The following EYS variants were observed in gnomAD, a reference collection of about 807,000 sequenced individuals.
EYS encodes the protein protein eyes shut homolog.
A neutral mutation model predicts 282.1 loss-of-function variants in EYS; 250 were observed. The ratio of observed to expected loss-of-function variants is 0.89; its 90% CI spans 0.80 to 0.98. The LOEUF is 0.98. Ranked by LOEUF, EYS falls within the 50% of genes least tolerant of loss-of-function variation. EYS has a pLI of 0.00. For missense variants in EYS, 4,016 were observed against 3,709.0 expected (o/e 1.08, Z -2.15); for synonymous variants, 1,355 against 1,282.9 (o/e 1.06, Z -1.20).
intron 30 of EYS, among the ~76,000 whole-genome samples, chr6:64,263,827 T>C (rs1767666608): frequency 6.6e-6 from 1 of 152,112 alleles, no homozygotes; most frequent in East Asian, 1.9e-4. Context: ...TAAAAACTGT[T>C]CTGTTTTTGT....
At chr6:64,241,675 G>T (rs1395395772) in intron 30 of EYS, among the ~76,000 whole-genome samples, 1 of 151,720 alleles carries the variant, frequency 6.6e-6, no homozygotes, top group Non-Finnish European at 1.5e-5. Flanking sequence ...GTGTGTGTGT[G>T]TGTGTGTCTC....
chr6:65,465,925 T>C (rs1764981861), intron 5 of EYS, among the ~76,000 whole-genome samples: 1 of 152,054 alleles, frequency 6.6e-6, no homozygotes, highest in Non-Finnish European at 1.5e-5. Flanking sequence ...TGAGCTGTGA[T>C]TGTGCCACTG....
At chr6:64,934,072 A>G (rs1768821622) in intron 15 of EYS, among the ~76,000 whole-genome samples, 1 of 151,910 alleles carries the variant, frequency 6.6e-6, no homozygotes, top group South Asian at 2.1e-4. Context: ...TGTGTATGGC[A>G]CATGTAGACC....
chr6:64,235,122 G>A (rs1433334153), intron 30 of EYS, among the ~76,000 whole-genome samples: 1 of 149,736 alleles, frequency 6.7e-6, no homozygotes, highest in Non-Finnish European at 1.5e-5. Context: ...AAGTTTTAGG[G>A]TACATGTGCA....
chr6:65,611,178 G>GA (rs200048825), intron 2 of EYS, among the ~76,000 whole-genome samples: 52,564 of 144,252 alleles, frequency 0.36, 11,527 homozygotes, highest in Non-Finnish European at 0.5. Flanking sequence ...TTAGAATATT[G>GA]AAAAAAAAAA....
In EYS at chr6:65,294,440, A is replaced by G. The variant is rs116505072; in HGVS notation, c.2023+1423T>C. Among the ~76,000 whole-genome samples, 1,328 of 152,016 alleles carry G rather than the reference A, an allele frequency of 8.7e-3. 23 individuals carry two copies. The highest frequency in any genetic ancestry group is 0.03 in the African/African-American group (1,248 of 41,510). On this transcript the variant is annotated intron_variant, in intron 12 of 42. Transcript: ENST00000503581. ...TAATTTGAAAAGTGAAAGAAACATAATAGTGTTTAACCCCACCTGGAGAAG... is the reference window on the plus strand; with the variant it reads ...TAATTTGAAAAGTGAAAGAAACATAGTAGTGTTTAACCCCACCTGGAGAAG...
At chr6:65,229,027 C>T (rs1440621167) in intron 12 of EYS, among the ~76,000 whole-genome samples, 1 of 151,716 alleles carries the variant, frequency 6.6e-6, no homozygotes, top group Non-Finnish European at 1.5e-5. Flanking sequence ...GGATTATAGA[C>T]CTAAAAGTAA....
At chr6:65,071,341 T>G (rs1341057012) in intron 12 of EYS, among the ~76,000 whole-genome samples, 2 of 151,900 alleles carry the variant, frequency 1.3e-5, no homozygotes, top group Non-Finnish European at 2.9e-5. Flanking sequence ...ATCAGAAAAT[T>G]TGTTTGGAAT....
intron 13 of EYS, among the ~76,000 whole-genome samples, chr6:65,022,144 T>C (rs1277596270): frequency 1.3e-5 from 2 of 152,226 alleles, no homozygotes; most frequent in Non-Finnish European, 2.9e-5. Context: ...GTCTATCCAT[T>C]AGCATCCAGA....
chr6:64,266,335 A>G (rs1034684677), intron 30 of EYS, among the ~76,000 whole-genome samples: 2 of 152,102 alleles, frequency 1.3e-5, no homozygotes, highest in Admixed American at 6.6e-5. Context: ...GTGAGAGGTT[A>G]GTGAAATTCC....
At chr6:65,275,665 A>G (rs1001755085) in intron 12 of EYS, among the ~76,000 whole-genome samples, 1 of 152,154 alleles carries the variant, frequency 6.6e-6, no homozygotes, top group Middle Eastern at 3.2e-3. Context: ...TTCTGTAGCC[A>G]ATGGTTTGAC....
At chr6:65,673,283 C>T (rs1768462798) in intron 1 of EYS, among the ~76,000 whole-genome samples, 1 of 151,858 alleles carries the variant, frequency 6.6e-6, no homozygotes, top group Admixed American at 6.6e-5. Flanking sequence ...GGGATTGGGG[C>T]AGCGTGGGAA....
intron 22 of EYS, among the ~76,000 whole-genome samples, chr6:64,685,111 G>A (rs1770042205): frequency 6.6e-6 from 1 of 151,956 alleles, no homozygotes; most frequent in South Asian, 2.1e-4. Flanking sequence ...AAAAGTATAA[G>A]AAATTTGGCC....
chr6:65,633,074 A>T (rs1030039486), intron 2 of EYS, among the ~76,000 whole-genome samples: 1 of 152,200 alleles, frequency 6.6e-6, no homozygotes, highest in Non-Finnish European at 1.5e-5. Context: ...TCATATAAAG[A>T]TACTATATAA....
rs139329292 is a variant in EYS at position 65,091,760 on chromosome 6, C to T, written c.2024-34033G>A. The stretch of plus-strand genomic sequence containing the variant: ...CGACACAGCGGGTTTGGAGCAGAGG[C>T]GCACAACCCCATGCACTACATAATT... On this transcript the variant is annotated intron_variant, in intron 12 of 42. Transcript: ENST00000503581. 7.5e-3 allele frequency among the ~76,000 whole-genome samples: 1,134 copies of T among 152,122 alleles called. 23 individuals carry two copies. The highest frequency in any genetic ancestry group is 0.024 in the African/African-American group (1,013 of 41,534).
chr6:64,555,741 G>A (rs1243251571), intron 26 of EYS, among the ~76,000 whole-genome samples: 1 of 151,876 alleles, frequency 6.6e-6, no homozygotes, highest in Non-Finnish European at 1.5e-5. Context: ...ATTGGGATAT[G>A]CTAGGAACAT....
At chr6:64,329,997 G>A (rs979007133) in intron 29 of EYS, among the ~76,000 whole-genome samples, 4 of 152,134 alleles carry the variant, frequency 2.6e-5, no homozygotes, top group African/African-American at 7.2e-5. Context: ...ACTCCACCAA[G>A]GATTGAAAAA....
intron 1 of EYS, among the ~76,000 whole-genome samples, chr6:65,662,841 T>A (rs1768054220): frequency 6.6e-6 from 1 of 152,166 alleles, no homozygotes; most frequent in South Asian, 2.1e-4. Flanking sequence ...TAGTCAAGGT[T>A]GTTATAAAAT....
intron 2 of EYS, among the ~76,000 whole-genome samples, chr6:65,638,105 C>T (rs1439619741): frequency 1.3e-5 from 2 of 152,142 alleles, no homozygotes; most frequent in Non-Finnish European, 1.5e-5. Context: ...TATTTCCTCC[C>T]TTCTGAGCCC....
Sources: gnomAD v4.1 joint callset for allele counts (sites outside exome capture counted in the v4.1 genomes callset) on GRCh38, gnomAD v4.1.1 for gene constraint, MANE v1.5 for transcripts, NCBI Gene and HGNC (gene_info 2026-07-23, HGNC 2026-07-21) for gene names.